SNAP91: variants seen among roughly 807,000 people sequenced by gnomAD.
SNAP91 encodes synaptosome associated protein 91.
SNAP91 carries 27 observed loss-of-function variants against 100.3 expected under a neutral mutation model. The ratio of observed to expected loss-of-function variants is 0.27; its 90% CI spans 0.20 to 0.37. The LOEUF (loss-of-function observed/expected upper bound fraction) is 0.37. Among genes scored for constraint, SNAP91 ranks in the 10% least tolerant of loss-of-function variants. The pLI, the probability that SNAP91 is intolerant of heterozygous loss-of-function variation, is 1.00. For missense variants in SNAP91, 986 were observed against 1,123.7 expected, an observed-to-expected ratio of 0.88 and a Z score of 1.75; for synonymous variants, 404 against 398.6, an observed-to-expected ratio of 1.01 and a Z score of -0.16.
At chr6:83,570,553 T>TGGGGGGGGG (rs200955608) in intron 26 of SNAP91, among the ~76,000 whole-genome samples, 4 of 71,560 alleles carry the variant, frequency 5.6e-5, no homozygotes, top group East Asian at 4.0e-4. Context: ...GTTTACGGGG[T>TGGGGGGGGG]GGCGGGGGGG....
chr6:83,671,088 T>C (rs2098777685), intron 2 of SNAP91, among the ~76,000 whole-genome samples: 1 of 152,026 alleles, frequency 6.6e-6, no homozygotes, highest in South Asian at 2.1e-4. Context: ...GTTGACCCTA[T>C]AGATCAATTT....
At chr6:83,591,944 C>A (rs2093811774) in intron 21 of SNAP91, among the ~76,000 whole-genome samples, 1 of 152,242 alleles carries the variant, frequency 6.6e-6, no homozygotes, top group African/African-American at 2.4e-5. Flanking sequence ...TTTAAATCAG[C>A]AACACATTTT....
At chr6:83,707,668 T>C in intron 2 of SNAP91, 130 bp downstream of exon 2, 1 of 1,271,128 alleles carries the variant, frequency 7.9e-7, no homozygotes, top group Non-Finnish European at 1.1e-6. Flanking sequence ...CTGAAGAATT[T>C]CAGCTCAGGG....
intron 23 of SNAP91, 128 bp downstream of exon 23, chr6:83,582,094 G>A (rs904525852): frequency 1.8e-4 from 192 of 1,041,574 alleles, no homozygotes; most frequent in East Asian, 3.0e-4. Context: ...ATTTATTAAC[G>A]TTTTATAAAC....
At chr6:83,695,210 G>A (rs1424919362) in intron 2 of SNAP91, among the ~76,000 whole-genome samples, 1 of 136,084 alleles carries the variant, frequency 7.3e-6, no homozygotes, top group Non-Finnish European at 1.5e-5. Context: ...CCAGGAGGCA[G>A]AGGTTGCAAT....
chr6:83,644,853 A>C (rs1170252052), intron 7 of SNAP91, among the ~76,000 whole-genome samples: 2 of 152,222 alleles, frequency 1.3e-5, no homozygotes, highest in African/African-American at 4.8e-5. Context: ...ACATATTCAT[A>C]AGGTTAACTC....
intron 7 of SNAP91, among the ~76,000 whole-genome samples, chr6:83,642,162 C>T (rs2097731660): frequency 1.1e-5 from 1 of 87,064 alleles, no homozygotes; most frequent in South Asian, 2.9e-4. Flanking sequence ...TTAAAATATG[C>T]TATTTTTTCA....
intron 16 of SNAP91, among the ~76,000 whole-genome samples, chr6:83,597,366 C>T (rs1194330541): frequency 6.6e-6 from 1 of 152,146 alleles, no homozygotes; most frequent in Non-Finnish European, 1.5e-5. Context: ...ATAAACAAAA[C>T]TTTTTTAAAT....
intron 3 of SNAP91, among the ~76,000 whole-genome samples, chr6:83,663,790 A>C (rs540924760): frequency 6.6e-6 from 1 of 152,312 alleles, no homozygotes; most frequent in East Asian, 1.9e-4. Flanking sequence ...TTTTCAATGT[A>C]GATAAAGCAG....
intron 7 of SNAP91, among the ~76,000 whole-genome samples, chr6:83,653,379 T>C (rs543100018): frequency 6.6e-6 from 1 of 152,254 alleles, no homozygotes; most frequent in South Asian, 2.1e-4. Context: ...TCTATTGATA[T>C]ATCTGTAAGC....
intron 2 of SNAP91, among the ~76,000 whole-genome samples, chr6:83,692,183 G>T (rs1054902987): frequency 6.6e-6 from 1 of 152,134 alleles, no homozygotes; most frequent in Non-Finnish European, 1.5e-5. Flanking sequence ...CTCTAATAAC[G>T]ATAATTTATA....
At chr6:83,673,890 T>C (rs1180796857) in intron 2 of SNAP91, among the ~76,000 whole-genome samples, 4 of 152,198 alleles carry the variant, frequency 2.6e-5, no homozygotes, top group Non-Finnish European at 4.4e-5. Flanking sequence ...TAATAAACAG[T>C]TGTTATTAAT....
chr6:83,615,460 G>C (rs1405882388), intron 10 of SNAP91, among the ~76,000 whole-genome samples: 1 of 152,092 alleles, frequency 6.6e-6, no homozygotes, highest in Non-Finnish European at 1.5e-5. Context: ...TAAATCCTAG[G>C]CAACTCATTT....
intron 9 of SNAP91, among the ~76,000 whole-genome samples, chr6:83,618,370 T>C (rs1225106626): frequency 2.0e-5 from 3 of 150,192 alleles, no homozygotes; most frequent in African/African-American, 4.9e-5. Context: ...CTTTGAACTA[T>C]AGAGTTAAAA....
At chr6:83,689,928 C>T (rs2128979783) in intron 2 of SNAP91, among the ~76,000 whole-genome samples, 1 of 152,028 alleles carries the variant, frequency 6.6e-6, no homozygotes, top group East Asian at 1.9e-4. Flanking sequence ...AAGTATATTA[C>T]TATAATTGTC....
chr6:83,559,854 G>A (rs1583817553), intron 28 of SNAP91, among the ~76,000 whole-genome samples: 1 of 152,222 alleles, frequency 6.6e-6, no homozygotes, highest in Non-Finnish European at 1.5e-5. Flanking sequence ...CTGAATATCT[G>A]GATGTTCTCA....
At chr6:83,656,698 C>T (rs1454919717) in intron 7 of SNAP91, 56 bp downstream of exon 7, 1 of 739,418 alleles carries the variant, frequency 1.4e-6, no homozygotes, top group Non-Finnish European at 2.2e-6. Flanking sequence ...CCACAGAATT[C>T]ATCAATCTTA....
At chr6:83,574,327 A>C (rs1278579041) in intron 26 of SNAP91, among the ~76,000 whole-genome samples, 2 of 152,214 alleles carry the variant, frequency 1.3e-5, no homozygotes, top group Non-Finnish European at 2.9e-5. Context: ...TCACAAAGCA[A>C]TAGTTAGTCT....
intron 14 of SNAP91, 49 bp from the exon 15 acceptor site, chr6:83,601,648 T>C: frequency 1.9e-6 from 3 of 1,585,146 alleles, no homozygotes; most frequent in Non-Finnish European, 2.6e-6. Flanking sequence ...AGAGCTAAAG[T>C]TGAAACATGC....
Sources: gnomAD v4.1 joint callset for allele counts (sites outside exome capture counted in the v4.1 genomes callset) on GRCh38, gnomAD v4.1.1 for gene constraint, MANE v1.5 for transcripts, NCBI Gene and HGNC (gene_info 2026-07-23, HGNC 2026-07-21) for gene names.